The following PCCB variants were observed in gnomAD, a reference collection of about 807,000 sequenced individuals.
The protein encoded by PCCB is propionyl-CoA carboxylase subunit beta.
PCCB carries 43 observed loss-of-function variants against 60.7 expected under a neutral mutation model. The ratio of observed to expected loss-of-function variants is 0.71; its 90% confidence interval spans 0.55 to 0.91. The LOEUF (loss-of-function observed/expected upper bound fraction) is 0.91. Ranked by LOEUF, PCCB falls within the 40% of genes least tolerant of loss-of-function variation. The pLI, the probability that PCCB is intolerant of heterozygous loss-of-function variation, is 0.00. For synonymous variants in PCCB, 276 were observed against 255.9 expected (o/e 1.08, Z -0.75); for missense variants, 766 against 702.8 (o/e 1.09, Z -1.02).
At chr3:136,315,925 AAGAG>A (rs140502679) in intron 9 of PCCB, among the ~76,000 whole-genome samples, 1,714 of 152,236 alleles carry the variant, frequency 0.011, 28 homozygotes, top group East Asian at 0.047. Context: ...ATATATATAA[AAGAG>A]AGAGTGATGG....
intron 8 of PCCB, among the ~76,000 whole-genome samples, chr3:136,300,784 A>C (rs1324328998): frequency 6.6e-6 from 1 of 152,232 alleles, no homozygotes; most frequent in Non-Finnish European, 1.5e-5. Context: ...TAACGTTTAG[A>C]GGAATAAACT....
intron 5 of PCCB, among the ~76,000 whole-genome samples, chr3:136,268,627 C>G (rs756530718): frequency 2.1e-4 from 32 of 152,030 alleles, no homozygotes; most frequent in Non-Finnish European, 3.7e-4. Flanking sequence ...GCACACCTAG[C>G]TAATTTTTGT....
At chr3:136,264,273 C>T (rs931437646) in intron 5 of PCCB, among the ~76,000 whole-genome samples, 3 of 151,720 alleles carry the variant, frequency 2.0e-5, no homozygotes, top group Non-Finnish European at 2.9e-5. Flanking sequence ...AACCAGAATA[C>T]AGTAATAAAA....
intron 6 of PCCB, among the ~76,000 whole-genome samples, chr3:136,287,562 A>G (rs569575340): frequency 1.3e-5 from 2 of 151,896 alleles, no homozygotes; most frequent in South Asian, 4.1e-4. Flanking sequence ...CCTCCCATGT[A>G]GCTGGGACTA....
At chr3:136,307,977 A>AAATAATAATAATAAT (rs142093462) in intron 9 of PCCB, among the ~76,000 whole-genome samples, 14 of 150,346 alleles carry the variant, frequency 9.3e-5, no homozygotes, top group African/African-American at 3.2e-4. Context: ...CTCCATCTCA[A>AAATAATAATAATAAT]AATAATAATA....
intron 8 of PCCB, among the ~76,000 whole-genome samples, chr3:136,300,284 C>T (rs1934215136): frequency 6.6e-6 from 1 of 152,192 alleles, no homozygotes; most frequent in Non-Finnish European, 1.5e-5. Flanking sequence ...TTGATGGACA[C>T]ATGGCCTGAC....
At chr3:136,302,021 T>G (rs1243239634) in intron 9 of PCCB, among the ~76,000 whole-genome samples, 1 of 152,146 alleles carries the variant, frequency 6.6e-6, no homozygotes, top group Non-Finnish European at 1.5e-5. Flanking sequence ...GGAAGTCAGT[T>G]CAGCCCAAAG....
chr3:136,289,115 C>T lies in PCCB; in HGVS notation c.655-4641C>T, dbSNP rs143291667. 2.0e-5 allele frequency among the ~76,000 whole-genome samples: 3 copies of T among 152,248 alleles called. No homozygotes were observed. In the East Asian group the frequency reaches 5.8e-4, roughly 29 times the overall value. The stretch of plus-strand genomic sequence containing the variant: ...TCAAGTAATCCTCTCACCTAGGGCC[C>T]TTGAGTTGCTGGGATTATAGGCATG... On this transcript the variant is annotated intron_variant, in intron 6 of 14. Coordinates refer to ENST00000251654, the MANE Select transcript of PCCB (RefSeq NM_000532.5).
intron 5 of PCCB, among the ~76,000 whole-genome samples, chr3:136,279,794 T>A (rs1942426409): frequency 6.6e-6 from 1 of 151,858 alleles, no homozygotes; most frequent in Non-Finnish European, 1.5e-5. Context: ...CAGCCTCCCG[T>A]GTAGCTGGGA....
chr3:136,308,187 A>G (rs1340014159), intron 9 of PCCB, among the ~76,000 whole-genome samples: 2 of 152,052 alleles, frequency 1.3e-5, no homozygotes, highest in Non-Finnish European at 2.9e-5. Flanking sequence ...TTGTGACACT[A>G]ATATTGAACA....
intron 9 of PCCB, 72 bp downstream of exon 9, chr3:136,301,183 G>A: frequency 7.2e-6 from 9 of 1,253,930 alleles, no homozygotes; most frequent in Non-Finnish European, 1.1e-5. Flanking sequence ...TCGGCTTAGT[G>A]AGGAAGCACT....
chr3:136,268,102 A>ATATATATATATATATGTATATATATATG (rs1560002497), intron 5 of PCCB, among the ~76,000 whole-genome samples: 6 of 117,622 alleles, frequency 5.1e-5, no homozygotes, highest in East Asian at 2.5e-4. Context: ...ATATATATAT[A>ATATATATATATATATGTATATATATATG]TATATATATA....
intron 5 of PCCB, among the ~76,000 whole-genome samples, chr3:136,273,454 C>T (rs1329385864): frequency 6.6e-6 from 1 of 151,952 alleles, no homozygotes; most frequent in Non-Finnish European, 1.5e-5. Flanking sequence ...ATTTCATTTC[C>T]TAGGTCTAGT....
intron 9 of PCCB, among the ~76,000 whole-genome samples, chr3:136,313,726 A>G (rs974121435): frequency 2.6e-5 from 4 of 152,214 alleles, no homozygotes; most frequent in African/African-American, 7.2e-5. Context: ...TTTTGAACCT[A>G]TATTTTGACT....
chr3:136,309,728 G>A (rs925767624), intron 9 of PCCB, among the ~76,000 whole-genome samples: 5 of 152,068 alleles, frequency 3.3e-5, no homozygotes, highest in African/African-American at 1.2e-4. Flanking sequence ...CTAGAACACA[G>A]GAGTTCAAGG....
At chr3:136,325,024 A>G (rs1935252947) in intron 10 of PCCB, among the ~76,000 whole-genome samples, 1 of 151,926 alleles carries the variant, frequency 6.6e-6, no homozygotes, top group South Asian at 2.1e-4. Flanking sequence ...TCTGAGGTAG[A>G]TGGGATTACA....
chr3:136,287,907 C>A (rs1576329964), intron 6 of PCCB, among the ~76,000 whole-genome samples: 1 of 152,292 alleles, frequency 6.6e-6, no homozygotes, highest in East Asian at 1.9e-4. Flanking sequence ...TAGAGGCAAT[C>A]TTAGGTCATA....
intron 8 of PCCB, among the ~76,000 whole-genome samples, chr3:136,299,844 GTATA>G (rs1934162692): frequency 6.6e-6 from 1 of 151,564 alleles, no homozygotes; most frequent in African/African-American, 2.4e-5. Context: ...GCATGTGTAT[GTATA>G]TGCATGCATA....
intron 10 of PCCB, among the ~76,000 whole-genome samples, chr3:136,323,855 G>T (rs973473187): frequency 6.7e-6 from 1 of 149,186 alleles, no homozygotes; most frequent in Non-Finnish European, 1.5e-5. Flanking sequence ...TCTTTTTCTA[G>T]TAAGTTCAGT....
Sources: gnomAD v4.1 joint callset for allele counts (sites outside exome capture counted in the v4.1 genomes callset) on GRCh38, gnomAD v4.1.1 for gene constraint, MANE v1.5 for transcripts, NCBI Gene and HGNC (gene_info 2026-07-23, HGNC 2026-07-21) for gene names.